G3BP2: variants seen among roughly 807,000 people sequenced by gnomAD.
G3BP2 encodes G3BP stress granule assembly factor 2.
In G3BP2, 11 loss-of-function variants were observed where a neutral mutation model predicts 56.7. The observed-to-expected ratio is 0.19, with a 90% CI of 0.12 to 0.32. G3BP2 has a LOEUF of 0.32. G3BP2 is among the 10% of genes least tolerant of loss of function. The pLI is 1.00. For synonymous variants in G3BP2, 165 were observed against 191.6 expected (o/e 0.86, Z 1.15); for missense variants, 340 against 610.9 (o/e 0.56, Z 4.67).
chr4:75,667,406 G>T (rs1481102309), intron 1 of G3BP2, among the ~76,000 whole-genome samples: 5 of 151,880 alleles, frequency 3.3e-5, no homozygotes. Context: ...TAAGGTGGTT[G>T]TTAGCCTCAC....
intron 1 of G3BP2, among the ~76,000 whole-genome samples, chr4:75,666,143 C>CA (rs1481850595): frequency 3.9e-5 from 6 of 151,974 alleles, no homozygotes; most frequent in Admixed American, 6.6e-5. Flanking sequence ...TAACAAGGTT[C>CA]AAAAAAAGCT....
chr4:75,669,015 C>T (rs542974951), intron 1 of G3BP2, among the ~76,000 whole-genome samples: 17 of 152,246 alleles, frequency 1.1e-4, no homozygotes, highest in Non-Finnish European at 2.1e-4. Context: ...TCTCAATAAT[C>T]GAATGACTTC....
At chr4:75,690,162 G>A (rs927858856) in intron 3 of G3BP2, among the ~76,000 whole-genome samples, 5 of 152,116 alleles carry the variant, frequency 3.3e-5, no homozygotes, top group Admixed American at 2.6e-4. Context: ...GGACAGGCGC[G>A]GTGGCTCACA....
chr4:75,659,179 G>C lies in G3BP2; in HGVS notation c.96-255C>G, dbSNP rs550650125. On this transcript the variant is annotated intron_variant, in intron 2 of 11. Transcript: ENST00000359707. ...ATGCTTAGTTTATCTGGCACAGTAA[G>C]TAGACAATCATTAGATATTCACATC... Among the ~76,000 whole-genome samples the C allele has an allele frequency of 5.9e-5, 9 of 152,354 alleles. No homozygotes were observed. In the South Asian group the frequency reaches 1.9e-3, roughly 32 times the overall value.
At chr4:75,661,574 C>CTTGAGGCCAAAAGT (rs1732564623) in intron 2 of G3BP2, 1 of 155,100 alleles carries the variant, frequency 6.4e-6, no homozygotes, top group Admixed American at 6.5e-5. Context: ...TGGGAGATCG[C>CTTGAGGCCAAAAGT]TTGAGGCCAA....
At chr4:75,650,148 C>T (rs1731560003) in intron 8 of G3BP2, among the ~76,000 whole-genome samples, 1 of 151,918 alleles carries the variant, frequency 6.6e-6, no homozygotes. Context: ...AAAAATGCTT[C>T]CTTCAGCCAG....
intron 3 of G3BP2, among the ~76,000 whole-genome samples, chr4:75,693,921 T>C (rs1718987165): frequency 6.6e-6 from 1 of 152,034 alleles, no homozygotes; most frequent in African/African-American, 2.4e-5. Context: ...TTTTAATTTT[T>C]GTACAGATGG....
intron 3 of G3BP2, chr4:75,694,832 G>C (rs754151323): frequency 1.1e-4 from 104 of 985,556 alleles, no homozygotes; most frequent in Admixed American, 3.7e-4. Flanking sequence ...GGCACTAGCA[G>C]ACAGGATGGG....
At chr4:75,657,504 T>C in intron 4 of G3BP2, 53 bp downstream of exon 4, 1 of 1,374,974 alleles carries the variant, frequency 7.3e-7, no homozygotes, top group Non-Finnish European at 1.0e-6. Context: ...CTCTGGACAC[T>C]TCAACCAACT....
intron 1 of G3BP2, among the ~76,000 whole-genome samples, chr4:75,662,983 G>A (rs1001809244): frequency 6.6e-6 from 1 of 152,152 alleles, no homozygotes; most frequent in Non-Finnish European, 1.5e-5. Flanking sequence ...TTAATCACCA[G>A]CTATAACTTC....
At chr4:75,695,974 CAAAAAAAAA>C (rs397807027) in intron 3 of G3BP2, among the ~76,000 whole-genome samples, 1 of 11,944 alleles carries the variant, frequency 8.4e-5, no homozygotes, top group African/African-American at 3.9e-4. Flanking sequence ...AACTCTGTCT[CAAAAAAAAA>C]AAAAAAAAAA....
chr4:75,647,208 A>G (rs369959840), intron 9 of G3BP2, 51 bp from the exon 10 acceptor site: 184 of 1,204,206 alleles, frequency 1.5e-4, no homozygotes, highest in Non-Finnish European at 2.0e-4. Context: ...CATAAAAACT[A>G]CTTCAAAGGA....
At chr4:75,709,125 CA>C (rs1560422336) in intron 3 of G3BP2, among the ~76,000 whole-genome samples, 2 of 145,408 alleles carry the variant, frequency 1.4e-5, no homozygotes, top group African/African-American at 2.5e-5. Context: ...ACAACAACAA[CA>C]AAACAACCAG....
At chr4:75,723,366 G>C (rs1305187718) in intron 1 of G3BP2, among the ~76,000 whole-genome samples, 1 of 152,210 alleles carries the variant, frequency 6.6e-6, no homozygotes, top group African/African-American at 2.4e-5. Context: ...ATGGACTGGA[G>C]ATTGGACTGG....
At chr4:75,706,217 G>A (rs1390086984) in intron 3 of G3BP2, among the ~76,000 whole-genome samples, 1 of 152,090 alleles carries the variant, frequency 6.6e-6, no homozygotes, top group Non-Finnish European at 1.5e-5. Flanking sequence ...TTATAAACCT[G>A]GATATTGAGG....
chr4:75,663,049 CTAAT>C (rs1732692933), intron 1 of G3BP2, among the ~76,000 whole-genome samples: 1 of 152,158 alleles, frequency 6.6e-6, no homozygotes, highest in Admixed American at 6.5e-5. Context: ...TTTCTTTCCA[CTAAT>C]TAAGCATCTA....
chr4:75,683,401 T>C (rs1257560681), intron 3 of G3BP2, among the ~76,000 whole-genome samples: 1 of 151,846 alleles, frequency 6.6e-6, no homozygotes, highest in Non-Finnish European at 1.5e-5. Context: ...CTGTCTCTAC[T>C]AAAAATATAA....
chr4:75,711,272 T>C (rs748358764), intron 3 of G3BP2, among the ~76,000 whole-genome samples: 2 of 151,294 alleles, frequency 1.3e-5, no homozygotes, highest in East Asian at 3.9e-4. Flanking sequence ...TGAGCCAAGA[T>C]TGTGCCACTG....
intron 3 of G3BP2, among the ~76,000 whole-genome samples, chr4:75,703,706 G>A (rs1577892360): frequency 1.3e-5 from 2 of 152,332 alleles, no homozygotes; most frequent in East Asian, 3.9e-4. Flanking sequence ...CAGAGTGGGA[G>A]AGAAGTCTTC....
Sources: gnomAD v4.1 joint callset for allele counts (sites outside exome capture counted in the v4.1 genomes callset) on GRCh38, gnomAD v4.1.1 for gene constraint, MANE v1.5 for transcripts, NCBI Gene and HGNC (gene_info 2026-07-23, HGNC 2026-07-21) for gene names.